Variants in TAOK1 observed in about 807,000 individuals in gnomAD.
The protein encoded by TAOK1 is serine/threonine-protein kinase TAO1.
Under a neutral mutation model 138.3 loss-of-function variants are expected in TAOK1, and 21 were observed. The ratio of observed to expected loss-of-function variants is 0.15; its 90% CI spans 0.11 to 0.22. The LOEUF (loss-of-function observed/expected upper bound fraction) is 0.22, where lower values mean the gene tolerates loss of function less well. Ranked by LOEUF, TAOK1 falls within the 10% of genes least tolerant of loss-of-function variation. TAOK1 has a pLI of 1.00. For missense variants in TAOK1, 651 were observed against 1,227.7 expected (o/e 0.53, Z 7.02); for synonymous variants, 361 against 398.4 (o/e 0.91, Z 1.12).
intron 19 of TAOK1, among the ~76,000 whole-genome samples, chr17:29,541,640 G>A (rs1158606119): frequency 6.6e-6 from 1 of 150,544 alleles, no homozygotes; most frequent in African/African-American, 2.4e-5. Context: ...GCTGGATGTG[G>A]TAGCACATGC....
chr17:29,537,695 T>G (rs1159015491), intron 19 of TAOK1, among the ~76,000 whole-genome samples: 11 of 151,706 alleles, frequency 7.3e-5, no homozygotes, highest in Non-Finnish European at 1.3e-4. Context: ...TGTTTAAAAC[T>G]TTGAGGAAAA....
At chr17:29,533,366 C>T (rs1260412976) in intron 18 of TAOK1, among the ~76,000 whole-genome samples, 2 of 139,606 alleles carry the variant, frequency 1.4e-5, no homozygotes, top group African/African-American at 5.4e-5. Flanking sequence ...ACTGGGCAGC[C>T]AGGCAGAGGG....
chr17:29,413,976 G>T (rs1210069348), intron 1 of TAOK1, among the ~76,000 whole-genome samples: 43 of 147,598 alleles, frequency 2.9e-4, no homozygotes, highest in African/African-American at 1.0e-3. Flanking sequence ...TCTGCCTCCG[G>T]GGTTCACGCC....
chr17:29,396,570 G>A (rs1428188117), intron 1 of TAOK1, among the ~76,000 whole-genome samples: 3 of 152,130 alleles, frequency 2.0e-5, no homozygotes, highest in Non-Finnish European at 4.4e-5. Flanking sequence ...TTTTATGCAG[G>A]TTTAGAAGTA....
chr17:29,463,352 C>T (rs947560562), intron 2 of TAOK1, among the ~76,000 whole-genome samples: 6 of 151,912 alleles, frequency 3.9e-5, no homozygotes, highest in Non-Finnish European at 7.4e-5. Flanking sequence ...GGCAGATCAC[C>T]CAAGGTCAGG....
At chr17:29,409,333 A>ATATATATTTT (rs1348702470) in intron 1 of TAOK1, among the ~76,000 whole-genome samples, 11 of 59,032 alleles carry the variant, frequency 1.9e-4, no homozygotes, top group African/African-American at 6.7e-4. Context: ...ATATATATAT[A>ATATATATTTT]TTTTTTTTTT....
At chr17:29,410,749 C>T (rs1905122309) in intron 1 of TAOK1, among the ~76,000 whole-genome samples, 1 of 150,920 alleles carries the variant, frequency 6.6e-6, no homozygotes, top group Non-Finnish European at 1.5e-5. Context: ...GATTCTCCTG[C>T]CTCAGCTTCC....
chr17:29,532,686 C>A (rs566815907), intron 18 of TAOK1, among the ~76,000 whole-genome samples: 557 of 152,150 alleles, frequency 3.7e-3, no homozygotes, highest in African/African-American at 0.013. Flanking sequence ...CAACAGGATC[C>A]CCAGGCAAAA....
At chr17:29,524,473 G>A (rs578179364) in intron 17 of TAOK1, among the ~76,000 whole-genome samples, 113 of 152,254 alleles carry the variant, frequency 7.4e-4, no homozygotes, top group African/African-American at 2.7e-3. Context: ...ACAGTAGTCC[G>A]ATTCTCTCAG....
At chr17:29,480,924 A>C (rs2031049051) in intron 7 of TAOK1, among the ~76,000 whole-genome samples, 1 of 151,914 alleles carries the variant, frequency 6.6e-6, no homozygotes, top group African/African-American at 2.4e-5. Context: ...CACTAATTGA[A>C]GACATGAATT....
chr17:29,403,523 T>G (rs1312655341), intron 1 of TAOK1, among the ~76,000 whole-genome samples: 5 of 152,162 alleles, frequency 3.3e-5, no homozygotes, highest in Admixed American at 2.0e-4. Context: ...ATAGTATATG[T>G]TGTTTTATTT....
In TAOK1 at chr17:29,522,455, G is replaced by T; in HGVS notation, c.2084G>T (p.Arg695Leu). Residue 695 changes from arginine (R) to leucine (L), a missense_variant, in exon 17 of 20, where the codon CGA becomes CTA. Transcript: ENST00000261716. ...ACTAACCAGCTGGAATATAATAAGC[G>T]AAGAGAACGAGAACTAAGACGAAAG... ...ELTNQLEYNK[R>L]RERELRRKHV... 1 of 1,614,086 alleles carries T rather than the reference G, an allele frequency of 6.2e-7. No individual in the cohort carries two copies. The highest frequency in any genetic ancestry group is 8.5e-7 in the Non-Finnish European group (1 of 1,180,012).
intron 2 of TAOK1, among the ~76,000 whole-genome samples, chr17:29,460,483 C>T (rs1407787122): frequency 6.6e-6 from 1 of 152,208 alleles, no homozygotes; most frequent in Non-Finnish European, 1.5e-5. Context: ...AGCCACCACA[C>T]CCGGCCTGTC....
At chr17:29,501,461 G>A (rs1228384617) in intron 12 of TAOK1, among the ~76,000 whole-genome samples, 1 of 150,484 alleles carries the variant, frequency 6.6e-6, no homozygotes, top group Non-Finnish European at 1.5e-5. Flanking sequence ...ACAATTAATT[G>A]GTTGCTACTT....
intron 10 of TAOK1, among the ~76,000 whole-genome samples, chr17:29,493,745 T>C (rs2031354812): frequency 6.6e-6 from 1 of 152,094 alleles, no homozygotes; most frequent in East Asian, 1.9e-4. Flanking sequence ...TGTTGCAGTC[T>C]ATCATAAAGA....
At chr17:29,394,154 T>TG (rs1567705449) in intron 1 of TAOK1, among the ~76,000 whole-genome samples, 1 of 94,938 alleles carries the variant, frequency 1.1e-5, no homozygotes, top group Non-Finnish European at 1.9e-5. Context: ...TTGCCAGTTT[T>TG]TTTTTTTTTT....
At chr17:29,509,810 C>A (rs2031688484) in intron 14 of TAOK1, among the ~76,000 whole-genome samples, 2 of 151,754 alleles carry the variant, frequency 1.3e-5, no homozygotes, top group African/African-American at 4.8e-5. Flanking sequence ...GTGGGAAGAT[C>A]ACTTGAGCTC....
chr17:29,466,841 C>T (rs926154456), intron 2 of TAOK1, among the ~76,000 whole-genome samples: 5 of 152,122 alleles, frequency 3.3e-5, no homozygotes, highest in Admixed American at 6.5e-5. Context: ...GACTTTTATA[C>T]ACTTGTATTG....
chr17:29,531,478 A>C (rs1447272049), intron 18 of TAOK1, among the ~76,000 whole-genome samples: 2 of 466 alleles, frequency 4.3e-3, no homozygotes, highest in African/African-American at 0.019. Context: ...AGGGCCAGAT[A>C]AGGCTGCGCG....
Sources: allele counts gnomAD v4.1 joint callset (sites outside exome capture counted in the v4.1 genomes callset), GRCh38; gene constraint gnomAD v4.1.1; transcripts MANE v1.5; gene names NCBI Gene and HGNC (gene_info 2026-07-23, HGNC 2026-07-21).